Variants in SEPTIN9 observed in about 807,000 individuals in gnomAD.
SEPTIN9 encodes the protein septin-9.
A neutral mutation model predicts 56.6 loss-of-function variants in SEPTIN9; 13 were observed. The observed-to-expected ratio is 0.23, with a 90% CI of 0.15 to 0.37. SEPTIN9 has a LOEUF of 0.37. SEPTIN9 is among the 10% of genes least tolerant of loss of function. SEPTIN9 has a pLI of 1.00. For synonymous variants in SEPTIN9, 332 were observed against 334.1 expected (o/e 0.99, Z 0.07); for missense variants, 650 against 823.1 (o/e 0.79, Z 2.57).
intron 3 of SEPTIN9, among the ~76,000 whole-genome samples, chr17:77,426,132 C>T (rs1015057517): frequency 1.7e-4 from 26 of 152,130 alleles, no homozygotes; most frequent in Admixed American, 1.4e-3. Flanking sequence ...CCCCGCCCCC[C>T]ACCTCTGGTT....
chr17:77,469,589 C>G (rs898824969), intron 3 of SEPTIN9: 1 of 152,272 alleles, frequency 6.6e-6, no homozygotes, highest in Admixed American at 6.5e-5. Context: ...CTTGGATGCC[C>G]TGTGCTGCAT....
chr17:77,310,622 T>C lies in SEPTIN9; in HGVS notation c.76+3425T>C, dbSNP rs1348769712. On this transcript the variant is annotated intron_variant, in intron 2 of 11. Transcript: ENST00000427177. This position sits in a 1 kb window ranked among gnomAD's most constrained non-coding sequence, Gnocchi z 4.7. ...ATTTGGCTGGGCTGTGGAGATGCGC[T>C]TCTCAGCCCTTCTAGATGTTACCAC... is the stretch of plus-strand genomic sequence containing the variant. Among the ~76,000 whole-genome samples, 1 of 152,200 alleles carries C rather than the reference T, an allele frequency of 6.6e-6. No individual in the cohort carries two copies. Among genetic ancestry groups the C allele is most frequent in the Non-Finnish European group, 1.5e-5 (1 of 68,038 alleles).
At chr17:77,382,137 C>T (rs567042206) in intron 2 of SEPTIN9, among the ~76,000 whole-genome samples, 3 of 152,254 alleles carry the variant, frequency 2.0e-5, no homozygotes, top group Admixed American at 2.0e-4. Context: ...AAGCGATTCT[C>T]CTGCCTCAGC....
rs9889391 is a variant in SEPTIN9 at position 77,319,217 on chromosome 17, T to C, written c.76+12020T>C. Reference sequence around the variant, plus strand: ...TAAAGACAGAGAGGATGCCCCTGATTCCCACCCCAGGGACCCACATTGTAA... The same window carrying C: ...TAAAGACAGAGAGGATGCCCCTGATCCCCACCCCAGGGACCCACATTGTAA... On this transcript the variant is annotated intron_variant, in intron 2 of 11. Coordinates refer to ENST00000427177, the MANE Select transcript of SEPTIN9 (RefSeq NM_001113491.2). The surrounding 1 kb of genome is among the most constrained non-coding windows in gnomAD (Gnocchi z 5.3). 0.89 allele frequency among the ~76,000 whole-genome samples: 135,709 copies of C among 152,214 alleles called. 60,686 individuals carry two copies. Among genetic ancestry groups the C allele is most frequent in the East Asian group, 1 (5,156 of 5,162 alleles).
intron 3 of SEPTIN9, among the ~76,000 whole-genome samples, chr17:77,459,067 C>T (rs1433289220): frequency 1.3e-5 from 2 of 152,200 alleles, no homozygotes; most frequent in Non-Finnish European, 2.9e-5. Flanking sequence ...CCACGGTCGG[C>T]CCCACACGTG....
Position 77,485,247 on chromosome 17 carries a change from G to C in SEPTIN9, c.914-2177G>C, listed in dbSNP as rs546722560. ...TGAAGGGGGTGATGGTGGTGATTGT[G>C]ATGGTGGTGATTGTGATGGTGATGT... On this transcript the variant is annotated intron_variant, in intron 4 of 11. Coordinates refer to ENST00000427177, the MANE Select transcript of SEPTIN9 (RefSeq NM_001113491.2). Among the ~76,000 whole-genome samples the C allele has an allele frequency of 2.1e-5, 3 of 140,150 alleles. No homozygotes were observed. In the South Asian group the frequency reaches 6.8e-4, roughly 32 times the overall value. The allele number at this position is 140,150 out of a possible 152,430, so 91.9% of individuals were successfully genotyped here.
intron 1 of SEPTIN9, among the ~76,000 whole-genome samples, chr17:77,287,439 C>A (rs977937546): frequency 4.6e-5 from 7 of 152,210 alleles, no homozygotes; most frequent in Admixed American, 3.9e-4. Flanking sequence ...AGGTTCCTAG[C>A]CCATTTCAAC....
chr17:77,345,292 A>G (rs1341762136), intron 2 of SEPTIN9, among the ~76,000 whole-genome samples: 2 of 152,174 alleles, frequency 1.3e-5, no homozygotes, highest in African/African-American at 4.8e-5. Context: ...CACACCTGAA[A>G]ATGGTTAAAA....
intron 3 of SEPTIN9, among the ~76,000 whole-genome samples, chr17:77,479,172 A>T (rs945990330): frequency 2.0e-5 from 3 of 152,098 alleles, no homozygotes; most frequent in African/African-American, 7.2e-5. Flanking sequence ...ATGACAATTA[A>T]AAGGAAAAGT....
intron 3 of SEPTIN9, among the ~76,000 whole-genome samples, chr17:77,462,621 T>A (rs1283844806): frequency 2.0e-5 from 3 of 151,986 alleles, no homozygotes; most frequent in South Asian, 2.1e-4. Flanking sequence ...GCTTGTTTTT[T>A]AAATTTGTTT....
At chr17:77,376,264 C>A (rs748124652) in intron 2 of SEPTIN9, 200 of 985,900 alleles carry the variant, frequency 2.0e-4, no homozygotes, top group Middle Eastern at 5.2e-4. Flanking sequence ...CTGCGGAGGG[C>A]CAGGCATGCC....
At position 77,400,179 on chromosome 17, in the gene SEPTIN9, TCAG is replaced by T. The variant is rs1241975791; in HGVS notation, c.77-1878_77-1876del. ...TTAGTAAAGATGGGGTTTCACCACA[TCAG>T]CCAGGCTGCTCAGTGTTTTAAAAAG... On this transcript the variant is annotated intron_variant, in intron 2 of 11. Coordinates refer to ENST00000427177, the MANE Select transcript of SEPTIN9 (RefSeq NM_001113491.2). The surrounding 1 kb of genome is among the most constrained non-coding windows in gnomAD (Gnocchi z 4.1). Among the ~76,000 whole-genome samples the T allele has an allele frequency of 2.6e-5, 4 of 152,182 alleles. No homozygotes were observed. The highest frequency in any genetic ancestry group is 9.7e-5 in the African/African-American group (4 of 41,448).
intron 2 of SEPTIN9, chr17:77,320,306 C>A (rs376196612): frequency 3.7e-6 from 6 of 1,612,774 alleles, no homozygotes; most frequent in Non-Finnish European, 5.1e-6. Context: ...ACTCCCGCCG[C>A]TGCTAAATAT....
chr17:77,423,494 C>G (rs1223916728), intron 3 of SEPTIN9, among the ~76,000 whole-genome samples: 1 of 152,264 alleles, frequency 6.6e-6, no homozygotes, highest in Non-Finnish European at 1.5e-5. Flanking sequence ...GGATTTGTCT[C>G]TCTTGTCCAA....
Position 77,456,393 on chromosome 17 carries a change from G to GGAGGAAGGTGCCGTGGCT in SEPTIN9, c.722-25750_722-25733dup, listed in dbSNP as rs1466391204. On this transcript the variant is annotated intron_variant, in intron 3 of 11. Coordinates refer to ENST00000427177, the MANE Select transcript of SEPTIN9 (RefSeq NM_001113491.2). This position sits in a 1 kb window ranked among gnomAD's most constrained non-coding sequence, Gnocchi z 6.0. ...GCTTTGTGGTGAGAGGGCACAGAGT[G>GGAGGAAGGTGCCGTGGCT]GAGGAAGGTGCCGTGGCTAGGGCAG... 3.9e-5 allele frequency: 6 copies of GGAGGAAGGTGCCGTGGCT among 152,364 alleles called. No homozygotes were observed. The highest frequency in any genetic ancestry group is 1.4e-4 in the African/African-American group (6 of 41,422). 9.4% of individuals were successfully genotyped at this position (152,364 alleles called of 1,614,324 possible). A position where few individuals can be genotyped will look rare whatever the true frequency, so the allele number is the denominator to read the frequency against.
At chr17:77,448,793 T>C (rs2037853795) in intron 3 of SEPTIN9, among the ~76,000 whole-genome samples, 1 of 152,142 alleles carries the variant, frequency 6.6e-6, no homozygotes, top group Non-Finnish European at 1.5e-5. Flanking sequence ...TCTTTTCTTT[T>C]TTTTTTTAAA....
At chr17:77,320,098 C>T in intron 2 of SEPTIN9, 1 of 1,445,078 alleles carries the variant, frequency 6.9e-7, no homozygotes, top group Non-Finnish European at 9.1e-7. Context: ...AGAGACAATG[C>T]TACTTCAGTT....
chr17:77,410,243 C>A (rs983170708), intron 3 of SEPTIN9, among the ~76,000 whole-genome samples: 5 of 152,160 alleles, frequency 3.3e-5, no homozygotes, highest in Non-Finnish European at 7.4e-5. Flanking sequence ...CCCCATCCCA[C>A]TGCTGCTACT....
chr17:77,495,249 T>C (rs1324215628), intron 10 of SEPTIN9, among the ~76,000 whole-genome samples: 2 of 151,878 alleles, frequency 1.3e-5, no homozygotes, highest in Non-Finnish European at 2.9e-5. Context: ...TGAGGAAGAG[T>C]CTGGAACCTG....
Sources: gnomAD v4.1 joint callset for allele counts (sites outside exome capture counted in the v4.1 genomes callset) on GRCh38, gnomAD v4.1.1 for gene constraint, Gnocchi (gnomAD v3.1) non-coding constraint, MANE v1.5 for transcripts, NCBI Gene and HGNC (gene_info 2026-07-23, HGNC 2026-07-21) for gene names.